The following MYO3A variants were observed in gnomAD, a reference collection of about 807,000 sequenced individuals.
MYO3A encodes myosin IIIA.
MYO3A carries 180 observed loss-of-function variants against 192.7 expected under a neutral mutation model. The ratio of observed to expected loss-of-function variants is 0.93; its 90% CI spans 0.83 to 1.06. MYO3A has a LOEUF of 1.06. MYO3A is among the 50% of genes least tolerant of loss of function. MYO3A has a pLI of 0.00. For synonymous variants in MYO3A, 628 were observed against 645.3 expected (o/e 0.97, Z 0.41); for missense variants, 1,896 against 1,905.0 (o/e 1.00, Z 0.09).
intron 10 of MYO3A, among the ~76,000 whole-genome samples, chr10:26,036,155 G>A (rs1843025918): frequency 6.6e-6 from 1 of 151,904 alleles, no homozygotes; most frequent in South Asian, 2.1e-4. Context: ...TAGCCAGAAT[G>A]GTCTCAATTT....
chr10:26,181,563 G>A (rs79355438), intron 31 of MYO3A, among the ~76,000 whole-genome samples: 10 of 151,924 alleles, frequency 6.6e-5, no homozygotes, highest in Non-Finnish European at 8.8e-5. Context: ...ATTTACAAAA[G>A]AAGAAATACA....
intron 4 of MYO3A, among the ~76,000 whole-genome samples, chr10:25,985,036 G>C (rs1564428985): frequency 6.6e-6 from 1 of 152,178 alleles, no homozygotes; most frequent in Admixed American, 6.5e-5. Context: ...TCAGGAGTTT[G>C]CAGCCAGCCT....
At chr10:26,131,935 G>T (rs1839558059) in intron 20 of MYO3A, among the ~76,000 whole-genome samples, 3 of 152,104 alleles carry the variant, frequency 2.0e-5, no homozygotes, top group Admixed American at 2.0e-4. Context: ...CAGCCAAAAA[G>T]TATATAATTT....
chr10:26,094,934 G>A (rs1245097495), intron 15 of MYO3A, among the ~76,000 whole-genome samples: 9 of 152,150 alleles, frequency 5.9e-5, no homozygotes, highest in Non-Finnish European at 1.3e-4. Flanking sequence ...AGGCTCCTCT[G>A]TTCTACTAAA....
At chr10:26,063,647 T>C (rs1358302699) in intron 10 of MYO3A, among the ~76,000 whole-genome samples, 2 of 152,172 alleles carry the variant, frequency 1.3e-5, no homozygotes, top group Non-Finnish European at 2.9e-5. Flanking sequence ...AAGATATCTA[T>C]CCTAAAGGAT....
chr10:26,183,440 G>A (rs996203411), intron 31 of MYO3A, among the ~76,000 whole-genome samples: 3 of 152,092 alleles, frequency 2.0e-5, no homozygotes, highest in Non-Finnish European at 4.4e-5. Context: ...GGAGAATGGT[G>A]TGAACCCGGG....
At chr10:26,095,171 A>T (rs1023020659) in intron 15 of MYO3A, among the ~76,000 whole-genome samples, 1 of 152,116 alleles carries the variant, frequency 6.6e-6, no homozygotes, top group East Asian at 1.9e-4. Flanking sequence ...TCCTGCCCCA[A>T]CCCCTATGGT....
chr10:26,008,661 A>G (rs1841401424), intron 6 of MYO3A, among the ~76,000 whole-genome samples: 1 of 151,760 alleles, frequency 6.6e-6, no homozygotes, highest in Non-Finnish European at 1.5e-5. Flanking sequence ...AGAAATGCAA[A>G]TCAAAACCAC....
chr10:26,055,706 C>T (rs987707432), intron 10 of MYO3A, among the ~76,000 whole-genome samples: 1 of 152,106 alleles, frequency 6.6e-6, no homozygotes, highest in African/African-American at 2.4e-5. Flanking sequence ...GCATTCTGTT[C>T]CTTTTAACAT....
chr10:26,073,529 C>A (rs899591635), intron 14 of MYO3A, among the ~76,000 whole-genome samples: 1 of 150,854 alleles, frequency 6.6e-6, no homozygotes, highest in Non-Finnish European at 1.5e-5. Flanking sequence ...GGAGGCAGAG[C>A]TTGCAGTGAG....
intron 20 of MYO3A, among the ~76,000 whole-genome samples, chr10:26,143,100 G>A (rs1382830270): frequency 2.0e-5 from 3 of 152,198 alleles, no homozygotes; most frequent in African/African-American, 7.2e-5. Context: ...GGAGGTTGAG[G>A]CGGGAGGATC....
rs561485580 is a variant in MYO3A, at chr10:26,047,511, C to T, written c.954-19464C>T. 2.3e-4 allele frequency among the ~76,000 whole-genome samples: 35 copies of T among 152,258 alleles called. No homozygotes were observed. In the South Asian group the frequency reaches 6.0e-3, roughly 26 times the overall value. On this transcript the variant is annotated intron_variant, in intron 10 of 34. Coordinates refer to ENST00000642920, the MANE Select transcript of MYO3A (RefSeq NM_017433.5). ...ATTTCCGGCCGGGCACAGTGGCTCA[C>T]GCCTGTAATCCCAGCACTTTGGGAG...
chr10:26,096,312 A>G, intron 15 of MYO3A, 69 bp from the exon 16 acceptor site: 3 of 1,159,234 alleles, frequency 2.6e-6, no homozygotes, highest in Non-Finnish European at 3.8e-6. Flanking sequence ...TCAAATAATT[A>G]TATTGTCAAG....
At chr10:25,943,321 T>G (rs906870791) in intron 2 of MYO3A, among the ~76,000 whole-genome samples, 8 of 152,088 alleles carry the variant, frequency 5.3e-5, no homozygotes, top group Non-Finnish European at 1.2e-4. Flanking sequence ...TCAGGAAGTA[T>G]AAAACCTCCA....
chr10:26,174,503 CT>C lies in MYO3A; in HGVS notation c.4240del (p.Ser1414ArgfsTer33). ...NNIKKKDNKD[S>X]KATSEREACG... ...ACATCAAGAAGAAGGATAACAAAGA[CT>C]CGAAAGCAACTTCAGAAAGAGAAGC... On this transcript the variant is annotated frameshift_variant, in exon 30 of 35. Transcript: ENST00000642920. LOFTEE classifies it high-confidence loss of function. The C allele has an allele frequency of 6.2e-7, 1 of 1,613,930 alleles. No homozygotes were observed. The highest frequency in any genetic ancestry group is 1.3e-5 in the African/African-American group (1 of 74,982).
At chr10:26,051,741 C>T (rs1329078467) in intron 10 of MYO3A, among the ~76,000 whole-genome samples, 1 of 151,982 alleles carries the variant, frequency 6.6e-6, no homozygotes, top group Non-Finnish European at 1.5e-5. Context: ...GTTAATGGCT[C>T]ATAGGTCAAA....
intron 31 of MYO3A, among the ~76,000 whole-genome samples, chr10:26,188,747 A>C (rs10764599): frequency 0.27 from 41,233 of 151,982 alleles, 5,797 homozygotes; most frequent in African/African-American, 0.35. Flanking sequence ...ATAGGGAATC[A>C]TTTCCCCCAT....
intron 2 of MYO3A, 97 bp from the exon 3 acceptor site, chr10:25,951,997 C>A: frequency 1.2e-6 from 1 of 868,254 alleles, no homozygotes; most frequent in Non-Finnish European, 1.8e-6. Context: ...TATTTTCTAT[C>A]ATATCAGTGA....
At chr10:26,043,865 C>T (rs1462883171) in intron 10 of MYO3A, among the ~76,000 whole-genome samples, 1 of 152,124 alleles carries the variant, frequency 6.6e-6, no homozygotes, top group Admixed American at 6.5e-5. Context: ...ACTTTTCCCT[C>T]TGCTTTTCTC....
Sources: gnomAD v4.1 joint callset for allele counts (sites outside exome capture counted in the v4.1 genomes callset) on GRCh38, gnomAD v4.1.1 for gene constraint, MANE v1.5 for transcripts, NCBI Gene and HGNC (gene_info 2026-07-23, HGNC 2026-07-21) for gene names.